ASCC3: variants seen among roughly 807,000 people sequenced by gnomAD.
ASCC3 encodes the protein ASC-1 complex subunit P200.
A neutral mutation model predicts 256.3 loss-of-function variants in ASCC3; 158 were observed. The observed-to-expected ratio is 0.62, with a 90% CI of 0.54 to 0.70. The LOEUF (loss-of-function observed/expected upper bound fraction) is 0.70. ASCC3 is among the 30% of genes least tolerant of loss of function. The probability of loss-of-function intolerance (pLI) is 0.00; values close to 1 mark genes in which losing one functional copy is unlikely to be tolerated. For synonymous variants in ASCC3, 948 were observed against 883.4 expected (o/e 1.07, Z -1.30); for missense variants, 2,259 against 2,626.0 (o/e 0.86, Z 3.05).
chr6:100,631,284 C>A, intron 25 of ASCC3, 71 bp from the exon 26 acceptor site: 1 of 1,272,992 alleles, frequency 7.9e-7, no homozygotes, highest in Admixed American at 1.8e-5. Context: ...AAAGTAAACT[C>A]CAAAAAATTT....
intron 36 of ASCC3, among the ~76,000 whole-genome samples, chr6:100,550,005 A>T (rs1347648173): frequency 6.6e-6 from 1 of 151,876 alleles, no homozygotes; most frequent in Admixed American, 6.6e-5. Flanking sequence ...AGCTTCAGGG[A>T]TGAGAAGAAT....
At chr6:100,874,206 A>G (rs535381184) in intron 1 of ASCC3, among the ~76,000 whole-genome samples, 9 of 152,170 alleles carry the variant, frequency 5.9e-5, no homozygotes, top group African/African-American at 1.9e-4. Context: ...GGTGGCTCAC[A>G]CCTGTAATCC....
intron 10 of ASCC3, among the ~76,000 whole-genome samples, chr6:100,755,451 C>T (rs2115103022): frequency 6.6e-6 from 1 of 152,010 alleles, no homozygotes. Context: ...ACTGTAACCC[C>T]AACCTCTAGG....
rs777296477 is a variant in ASCC3 at position 100,650,507 on chromosome 6, A to C, written c.3252+31T>G. The C allele has an allele frequency of 5.6e-6, 9 of 1,607,360 alleles. No homozygotes were observed. The African/African-American group carries it at 1.2e-4, about 22-fold the overall frequency. ...TTGGTCCTCTAAATATATTCAAGGA[A>C]GAGAAAACTGGAAGGGAATAAGATA... On this transcript the variant is annotated intron_variant, in intron 20 of 41. Coordinates refer to ENST00000369162, the MANE Select transcript of ASCC3 (RefSeq NM_006828.4).
chr6:100,852,464 C>T (rs1026351247), intron 3 of ASCC3, among the ~76,000 whole-genome samples: 4 of 152,124 alleles, frequency 2.6e-5, no homozygotes, highest in African/African-American at 9.7e-5. Context: ...CTGTGAGAAT[C>T]CTGTTCCGAA....
chr6:100,777,653 G>A (rs1263399243), intron 8 of ASCC3, among the ~76,000 whole-genome samples: 2 of 152,026 alleles, frequency 1.3e-5, no homozygotes, highest in Admixed American at 6.6e-5. Context: ...ACCAGGCCAC[G>A]AAAAAATTTG....
At chr6:100,781,369 A>G (rs914284096) in intron 8 of ASCC3, among the ~76,000 whole-genome samples, 2 of 151,868 alleles carry the variant, frequency 1.3e-5, no homozygotes, top group Non-Finnish European at 2.9e-5. Context: ...CTCGTGGTAC[A>G]CTTGTTTTTT....
At chr6:100,864,377 A>T (rs1773380302) in intron 2 of ASCC3, among the ~76,000 whole-genome samples, 163 bp from the exon 3 acceptor site, 1 of 152,244 alleles carries the variant, frequency 6.6e-6, no homozygotes, top group Non-Finnish European at 1.5e-5. Flanking sequence ...AAACAATTTT[A>T]CTTAAATGGG....
intron 14 of ASCC3, among the ~76,000 whole-genome samples, chr6:100,670,569 C>A (rs1253283633): frequency 8.8e-6 from 1 of 114,224 alleles, no homozygotes; most frequent in African/African-American, 3.2e-5. Flanking sequence ...CCATCTTCCC[C>A]CCCCCCAAAT....
intron 37 of ASCC3, among the ~76,000 whole-genome samples, chr6:100,535,984 T>C (rs1775141110): frequency 1.3e-5 from 2 of 152,190 alleles, no homozygotes; most frequent in Admixed American, 1.3e-4. Context: ...TTGAGAACAA[T>C]ATTTAATGCT....
chr6:100,550,686 T>C (rs1209171365), intron 36 of ASCC3, among the ~76,000 whole-genome samples: 1 of 151,988 alleles, frequency 6.6e-6, no homozygotes, highest in African/African-American at 2.4e-5. Flanking sequence ...TGTATTTCCC[T>C]ATGTTAGAAT....
chr6:100,647,596 T>A, intron 20 of ASCC3, 145 bp from the exon 21 acceptor site: 1 of 708,544 alleles, frequency 1.4e-6, no homozygotes, highest in African/African-American at 1.8e-5. Flanking sequence ...TCTCATATAA[T>A]CCTAATTATC....
intron 8 of ASCC3, among the ~76,000 whole-genome samples, chr6:100,796,540 C>G (rs1052653025): frequency 6.6e-5 from 10 of 151,998 alleles, no homozygotes; most frequent in Admixed American, 2.6e-4. Flanking sequence ...AGGGTGGAGT[C>G]CTAACCTGAT....
intron 36 of ASCC3, among the ~76,000 whole-genome samples, chr6:100,559,668 G>A (rs1364974613): frequency 6.6e-6 from 1 of 152,028 alleles, no homozygotes; most frequent in Non-Finnish European, 1.5e-5. Context: ...TGGTCAACAT[G>A]GTGAAACCCC....
intron 33 of ASCC3, 136 bp from the exon 34 acceptor site, chr6:100,602,071 G>T: frequency 1.2e-6 from 1 of 846,056 alleles, no homozygotes; most frequent in Non-Finnish European, 1.8e-6. Context: ...TAAATATTTA[G>T]TATATAATTT....
At chr6:100,820,947 T>C (rs1771009569) in intron 4 of ASCC3, among the ~76,000 whole-genome samples, 1 of 152,180 alleles carries the variant, frequency 6.6e-6, no homozygotes, top group African/African-American at 2.4e-5. Context: ...CTAGAAAGGC[T>C]ATAAAAATGG....
intron 37 of ASCC3, among the ~76,000 whole-genome samples, chr6:100,519,128 TAGAG>T (rs1470572263): frequency 6.6e-6 from 1 of 152,154 alleles, no homozygotes; most frequent in Non-Finnish European, 1.5e-5. Flanking sequence ...GTACTGTTGA[TAGAG>T]AAACATTTTC....
At chr6:100,525,080 A>G (rs1323094948) in intron 37 of ASCC3, among the ~76,000 whole-genome samples, 1 of 126,880 alleles carries the variant, frequency 7.9e-6, no homozygotes, top group African/African-American at 2.9e-5. Context: ...TTGGAGCCTG[A>G]GGTGGAAGGA....
chr6:100,727,796 G>T (rs1779709180), intron 10 of ASCC3, among the ~76,000 whole-genome samples: 1 of 152,028 alleles, frequency 6.6e-6, no homozygotes, highest in African/African-American at 2.4e-5. Context: ...GAGCCAGAAT[G>T]AAGAGAAATA....
Sources: gnomAD v4.1 joint callset for allele counts (sites outside exome capture counted in the v4.1 genomes callset) on GRCh38, gnomAD v4.1.1 for gene constraint, MANE v1.5 for transcripts, NCBI Gene and HGNC (gene_info 2026-07-23, HGNC 2026-07-21) for gene names.